Variants in IPO5 observed in about 807,000 individuals in gnomAD.
IPO5 encodes the protein importin 5.
In IPO5, 18 loss-of-function variants were observed where a neutral mutation model predicts 143.3. The observed-to-expected ratio is 0.13, with a 90% CI of 0.09 to 0.19. IPO5 has a LOEUF of 0.19. Ranked by LOEUF, IPO5 falls within the 10% of genes least tolerant of loss-of-function variation. IPO5 has a pLI of 1.00. For missense variants in IPO5, 1,013 were observed against 1,336.9 expected (o/e 0.76, Z 3.78); for synonymous variants, 477 against 465.7 (o/e 1.02, Z -0.31).
At chr13:98,013,348 C>T (rs1329833160) in intron 21 of IPO5, among the ~76,000 whole-genome samples, 2 of 152,250 alleles carry the variant, frequency 1.3e-5, no homozygotes, top group East Asian at 1.9e-4. Flanking sequence ...CAATATCTTT[C>T]TCAACATAAT....
At chr13:97,958,852 A>G (rs8001181) in intron 2 of IPO5, among the ~76,000 whole-genome samples, 94,533 of 150,268 alleles carry the variant, frequency 0.63, 31,274 homozygotes, top group African/African-American at 0.86. Flanking sequence ...ACCCTCCACT[A>G]GATTCCCCTT....
intron 27 of IPO5, 194 bp downstream of exon 27, chr13:98,020,003 G>T: frequency 2.2e-6 from 1 of 452,174 alleles, no homozygotes; most frequent in Non-Finnish European, 3.9e-6. Flanking sequence ...TTATAATAAG[G>T]TCTAATTTTG....
At chr13:97,968,626 T>A (rs1885551586) in intron 2 of IPO5, among the ~76,000 whole-genome samples, 1 of 152,238 alleles carries the variant, frequency 6.6e-6, no homozygotes, top group African/African-American at 2.4e-5. Flanking sequence ...CCTCTTTATC[T>A]CTAATGACAT....
chr13:98,010,800 A>ATTTTTTTTTTTTTTTTT (rs1889649292), intron 20 of IPO5, among the ~76,000 whole-genome samples: 1 of 17,502 alleles, frequency 5.7e-5, no homozygotes, highest in African/African-American at 6.3e-4. Context: ...TTTTTTTTTG[A>ATTTTTTTTTTTTTTTTT]GGTGGAGTCT....
chr13:98,015,394 C>CA (rs1378996841), intron 22 of IPO5, 136 bp from the exon 23 acceptor site: 10 of 609,688 alleles, frequency 1.6e-5, no homozygotes, highest in East Asian at 1.1e-4. Context: ...CTAACAAATA[C>CA]AAGCTAAGCA....
intron 24 of IPO5, 84 bp from the exon 25 acceptor site, chr13:98,016,645 T>A (rs1471548784): frequency 1.4e-6 from 1 of 727,112 alleles, no homozygotes. Context: ...TCTGCATTTT[T>A]TAAGGTTTTT....
intron 6 of IPO5, chr13:97,987,175 G>T: frequency 6.0e-6 from 1 of 166,540 alleles, no homozygotes; most frequent in South Asian, 1.9e-4. Context: ...CCAGGGCCAT[G>T]ACAGCTTCCA....
chr13:98,004,750 C>G (rs1471458182), intron 16 of IPO5, among the ~76,000 whole-genome samples: 1 of 152,124 alleles, frequency 6.6e-6, no homozygotes, highest in Non-Finnish European at 1.5e-5. Context: ...AGTAAGATGG[C>G]TTTCTCAAGA....
chr13:97,967,475 C>T (rs1885440733), intron 2 of IPO5, among the ~76,000 whole-genome samples: 1 of 150,854 alleles, frequency 6.6e-6, no homozygotes. Flanking sequence ...TTTAGTTTGC[C>T]CTTCTTTCTT....
At chr13:97,979,970 A>G (rs1052212423) in intron 4 of IPO5, 4 of 456,602 alleles carry the variant, frequency 8.8e-6, no homozygotes, top group African/African-American at 6.0e-5. Flanking sequence ...TATTTATGGA[A>G]TGAGATGAGT....
At position 97,991,435 on chromosome 13, in the gene IPO5, G is replaced by A. The variant is rs1486330931; in HGVS notation, c.669+898G>A. Among the ~76,000 whole-genome samples the A allele has an allele frequency of 2.6e-5, 4 of 152,158 alleles. No homozygotes were observed. In the East Asian group the frequency reaches 5.8e-4, roughly 22 times the overall value. The stretch of plus-strand genomic sequence containing the variant: ...CACCACAGTTCCCATTAGAATTGGT[G>A]ATAAGATTTCCTAAAATAGTAAGGT... On this transcript the variant is annotated intron_variant, in intron 9 of 28. Coordinates refer to ENST00000651721, the MANE Select transcript of IPO5 (RefSeq NM_002271.6).
At chr13:97,974,375 C>T (rs1169835672) in intron 3 of IPO5, among the ~76,000 whole-genome samples, 4 of 151,014 alleles carry the variant, frequency 2.6e-5, no homozygotes, top group South Asian at 4.2e-4. Flanking sequence ...GGCACGATCT[C>T]GGCTCACTGT....
intron 2 of IPO5, among the ~76,000 whole-genome samples, chr13:97,963,504 G>A (rs562923919): frequency 3.5e-4 from 53 of 151,772 alleles, no homozygotes; most frequent in Non-Finnish European, 7.4e-4. Context: ...CAAGTAGCTG[G>A]GACTACAGGC....
At chr13:97,963,094 A>C (rs1885024232) in intron 2 of IPO5, 1 of 152,124 alleles carries the variant, frequency 6.6e-6, no homozygotes, top group Non-Finnish European at 1.5e-5. Flanking sequence ...AAGCCCACCC[A>C]CCTTGTGGAG....
intron 24 of IPO5, 103 bp from the exon 25 acceptor site, chr13:98,016,626 A>G (rs1282273408): frequency 8.2e-6 from 5 of 612,888 alleles, no homozygotes; most frequent in African/African-American, 3.9e-5. Flanking sequence ...AGGAATGAGA[A>G]ATTGATTTTC....
At position 98,022,264 on chromosome 13, in the gene IPO5, A is replaced by T. The variant is rs1890545037; in HGVS notation, c.*442A>T. ...TCTGTAGGGTAGAAAGAAGCCTCCT[A>T]CCCAGCAAACCAGTAGACCCAAAAG... On this transcript the variant is annotated 3_prime_UTR_variant, in exon 29 of 29. Coordinates refer to ENST00000651721, the MANE Select transcript of IPO5 (RefSeq NM_002271.6). 1 of 152,646 alleles carries T rather than the reference A, an allele frequency of 6.6e-6. No homozygotes were observed. Among genetic ancestry groups the T allele is most frequent in the African/African-American group, 2.4e-5 (1 of 41,448 alleles). 9.5% of individuals were successfully genotyped at this position (152,646 alleles called of 1,614,324 possible).
At chr13:97,953,844 G>A (rs906158466) in intron 1 of IPO5, 128 bp downstream of exon 1, 55 of 446,108 alleles carry the variant, frequency 1.2e-4, no homozygotes, top group African/African-American at 4.6e-4. Context: ...CCTTTAGCTC[G>A]TCTCCTGACG....
At chr13:98,016,355 A>G (rs949653844) in intron 24 of IPO5, among the ~76,000 whole-genome samples, 1 of 150,542 alleles carries the variant, frequency 6.6e-6, no homozygotes, top group African/African-American at 2.4e-5. Flanking sequence ...TCTCCCCACC[A>G]TCCACCCCGA....
At chr13:98,009,818 GCTTT>G (rs1298414289) in intron 18 of IPO5, 59 bp from the exon 19 acceptor site, 67 of 1,231,876 alleles carry the variant, frequency 5.4e-5, no homozygotes, top group Non-Finnish European at 7.0e-5. Flanking sequence ...TAAGGAAATG[GCTTT>G]CTTTATCACG....
Sources: gnomAD v4.1 joint callset for allele counts (sites outside exome capture counted in the v4.1 genomes callset) on GRCh38, gnomAD v4.1.1 for gene constraint, MANE v1.5 for transcripts, NCBI Gene and HGNC (gene_info 2026-07-23, HGNC 2026-07-21) for gene names.